Variants in TINAG observed in about 807,000 individuals in gnomAD.
TINAG encodes tubulointerstitial nephritis antigen.
Under a neutral mutation model 72.7 loss-of-function variants are expected in TINAG, and 83 were observed. That is an observed-to-expected ratio of 1.14 (90% confidence interval 0.96 to 1.37). The LOEUF is 1.37. TINAG is among the 40% of genes most tolerant of loss of function. The probability of loss-of-function intolerance (pLI) is 0.00; values close to 1 mark genes in which losing one functional copy is unlikely to be tolerated. For synonymous variants in TINAG, 234 were observed against 189.9 expected, an observed-to-expected ratio of 1.23 and a Z score of -1.91; for missense variants, 685 against 576.6, an observed-to-expected ratio of 1.19 and a Z score of -1.93.
Position 54,376,883 on chromosome 6 carries a change from T to C in TINAG, c.1251-3643T>C, listed in dbSNP as rs79656932. Among the ~76,000 whole-genome samples the C allele has an allele frequency of 5.7e-3, 870 of 152,204 alleles. 11 individuals are homozygous for C. Among genetic ancestry groups the C allele is most frequent in the African/African-American group, 0.02 (827 of 41,538 alleles). On this transcript the variant is annotated intron_variant, in intron 9 of 10. Transcript: ENST00000259782. The stretch of plus-strand genomic sequence containing the variant: ...GGAAGAGCTTAAATAATTATGTGCA[T>C]TGAGTGAGAGACGGAAACCCAGTCT...
Position 54,308,858 on chromosome 6 carries a change from G to T in TINAG, c.308G>T (p.Arg103Leu). 1 of 1,613,332 alleles carries T rather than the reference G, an allele frequency of 6.2e-7. No individual in the cohort carries two copies. The highest frequency in any genetic ancestry group is 8.5e-7 in the Non-Finnish European group (1 of 1,179,684). The change falls in exon 1 of 11, where the codon CGT (arginine) becomes CTT (leucine). Residue 103 changes from arginine to leucine, a missense_variant. Physicochemically the swap from Arg to Leu is moderately radical, Grantham distance 102. Coordinates refer to ENST00000259782, the MANE Select transcript of TINAG (RefSeq NM_014464.4). Reference sequence around the variant, plus strand: ...TGTCCTGACTACAAGTCCTTTTGCCGTGAAGAGAAAGAATGGCCTCCTCAC... The same window carrying T: ...TGTCCTGACTACAAGTCCTTTTGCCTTGAAGAGAAAGAATGGCCTCCTCAC... Reference protein sequence around the residue: ...DCCPDYKSFCREEKEWPPHTQ... With the variant: ...DCCPDYKSFCLEEKEWPPHTQ...
intron 1 of TINAG, among the ~76,000 whole-genome samples, chr6:54,310,915 C>CTG (rs1784240811): frequency 1.2e-5 from 1 of 85,926 alleles, no homozygotes; most frequent in African/African-American, 4.8e-5. Flanking sequence ...CTCTTTCTCT[C>CTG]TCCCACTTTC....
intron 5 of TINAG, 60 bp from the exon 6 acceptor site, chr6:54,347,307 G>C: frequency 1.3e-6 from 2 of 1,567,828 alleles, no homozygotes; most frequent in African/African-American, 1.4e-5. Flanking sequence ...AAAGGGTTAT[G>C]TACCTTATTA....
In TINAG at chr6:54,350,816, G is replaced by A. The variant is rs1785248267; in HGVS notation, c.1081-536G>A. 2.6e-5 allele frequency among the ~76,000 whole-genome samples: 4 copies of A among 151,448 alleles called. No individual in the cohort carries two copies. In the Admixed American group the frequency reaches 2.6e-4, roughly 10 times the overall value. ...TTATTAAATAATAATGAAATTAGTA[G>A]TGTCATTCAACCAAAATGTAAATAC... On this transcript the variant is annotated intron_variant, in intron 7 of 10. Coordinates refer to ENST00000259782, the MANE Select transcript of TINAG (RefSeq NM_014464.4).
At chr6:54,348,595 T>C (rs749256749) in intron 6 of TINAG, among the ~76,000 whole-genome samples, 2 of 152,056 alleles carry the variant, frequency 1.3e-5, no homozygotes, top group Non-Finnish European at 2.9e-5. Context: ...CCTTACATGA[T>C]GAAAGAGAGC....
chr6:54,313,203 A>G (rs1784298093), intron 1 of TINAG, among the ~76,000 whole-genome samples: 1 of 152,206 alleles, frequency 6.6e-6, no homozygotes, highest in Non-Finnish European at 1.5e-5. Context: ...TCATGTTGGT[A>G]TGATCCTTAA....
intron 9 of TINAG, among the ~76,000 whole-genome samples, chr6:54,376,602 G>A (rs1306486668): frequency 1.3e-5 from 2 of 151,944 alleles, no homozygotes; most frequent in African/African-American, 2.4e-5. Flanking sequence ...TTACTATCTA[G>A]GCATAACTTA....
chr6:54,332,282 G>T (rs1784759687), intron 4 of TINAG, among the ~76,000 whole-genome samples: 1 of 152,010 alleles, frequency 6.6e-6, no homozygotes, highest in African/African-American at 2.4e-5. Flanking sequence ...ACAGACAAAT[G>T]GAACAGAACA....
At chr6:54,311,452 T>C (rs994811104) in intron 1 of TINAG, among the ~76,000 whole-genome samples, 6 of 152,186 alleles carry the variant, frequency 3.9e-5, no homozygotes, top group African/African-American at 1.4e-4. Context: ...TTAATCTAAG[T>C]CTTGCCAGAT....
At chr6:54,378,854 T>C (rs1369529293) in intron 9 of TINAG, among the ~76,000 whole-genome samples, 2 of 152,120 alleles carry the variant, frequency 1.3e-5, no homozygotes, top group African/African-American at 2.4e-5. Flanking sequence ...TTATTCTTCA[T>C]GTTTTCTCAC....
intron 9 of TINAG, among the ~76,000 whole-genome samples, chr6:54,371,271 G>A (rs59508393): frequency 0.16 from 23,948 of 151,886 alleles, 2,028 homozygotes; most frequent in Non-Finnish European, 0.18. Context: ...TTCTGTCCTC[G>A]CTGGGTGATC....
Position 54,389,966 on chromosome 6 carries a change from C to A in TINAG, c.*41C>A. 1.3e-6 allele frequency: 2 copies of A among 1,588,756 alleles called. No homozygotes were observed. The highest frequency in any genetic ancestry group is 1.2e-5 in the South Asian group (1 of 85,322). ...CCATAAGGTCATGCCTTTAAGTAAC[C>A]CCCTAAATTGAAGTTTAGCAATATG... On this transcript the variant is annotated 3_prime_UTR_variant, in exon 11 of 11. Transcript: ENST00000259782.
At chr6:54,327,230 C>A in intron 4 of TINAG, 2 of 1,490,600 alleles carry the variant, frequency 1.3e-6, no homozygotes, top group Non-Finnish European at 1.8e-6. Flanking sequence ...TGGATGATTT[C>A]TGCATTACCA....
intron 5 of TINAG, among the ~76,000 whole-genome samples, chr6:54,346,365 A>G (rs1214113929): frequency 1.3e-5 from 2 of 151,974 alleles, no homozygotes; most frequent in Non-Finnish European, 2.9e-5. Flanking sequence ...TTACAATTCT[A>G]GGAAATCATA....
chr6:54,329,118 A>G (rs1391672644), intron 4 of TINAG, among the ~76,000 whole-genome samples: 1 of 152,114 alleles, frequency 6.6e-6, no homozygotes, highest in East Asian at 1.9e-4. Context: ...CAGGAGATAC[A>G]GAGAACACCA....
intron 1 of TINAG, among the ~76,000 whole-genome samples, chr6:54,317,214 ATC>A (rs1784391571): frequency 6.6e-6 from 1 of 151,590 alleles, no homozygotes; most frequent in African/African-American, 2.4e-5. Flanking sequence ...CAATACCTCC[ATC>A]TCTACCATTC....
intron 1 of TINAG, among the ~76,000 whole-genome samples, chr6:54,310,349 G>T (rs979677000): frequency 1.3e-5 from 2 of 151,872 alleles, no homozygotes; most frequent in African/African-American, 4.8e-5. Context: ...ACCTCCCAAA[G>T]TGCTAGGATT....
chr6:54,326,745 G>A (rs1419916362), intron 3 of TINAG, 57 bp from the exon 4 acceptor site: 18 of 1,217,768 alleles, frequency 1.5e-5, no homozygotes, highest in Non-Finnish European at 1.7e-5. Flanking sequence ...ATTTATAAAA[G>A]TGATGTCATA....
chr6:54,325,512 A>G (rs917582150), intron 3 of TINAG, among the ~76,000 whole-genome samples: 2 of 152,186 alleles, frequency 1.3e-5, no homozygotes, highest in Non-Finnish European at 2.9e-5. Flanking sequence ...ACACGTGCAC[A>G]AGCATCAACA....
Sources: allele counts gnomAD v4.1 joint callset (sites outside exome capture counted in the v4.1 genomes callset), GRCh38; gene constraint gnomAD v4.1.1; transcripts MANE v1.5; gene names NCBI Gene and HGNC (gene_info 2026-07-23, HGNC 2026-07-21).